Variants in PHOX2A observed in about 807,000 individuals in gnomAD.
PHOX2A encodes the protein paired mesoderm homeobox protein 2A.
PHOX2A carries 10 observed loss-of-function variants against 16.4 expected under a neutral mutation model. The observed-to-expected ratio is 0.61, with a 90% CI of 0.38 to 1.04. PHOX2A has a LOEUF of 1.04. Among genes scored for constraint, PHOX2A ranks in the 50% least tolerant of loss-of-function variants. PHOX2A has a pLI of 0.01. For missense variants in PHOX2A, 361 were observed against 419.4 expected (o/e 0.86, Z 1.22); for synonymous variants, 219 against 203.8 (o/e 1.07, Z -0.64).
chr11:72,241,219 C>T lies in PHOX2A; in HGVS notation c.288G>A (p.Thr96=). ...GCTCCTTGAGCTGCGCGCTGGTGAA[C>T]GTGGTGCGGATGCGCCGCTGCTTGC... ...EKRKQRRIRT[T]FTSAQLKELE... Residue 96 remains threonine, a synonymous_variant, in exon 2 of 3, where the codon ACG becomes ACA. Coordinates refer to ENST00000298231, the MANE Select transcript of PHOX2A (RefSeq NM_005169.4). 6.4e-7 allele frequency: 1 copy of T among 1,572,674 alleles called. No homozygotes were observed. Among genetic ancestry groups the T allele is most frequent in the South Asian group, 1.1e-5 (1 of 90,522 alleles).
rs1198361707 is a variant in PHOX2A at position 72,241,109 on chromosome 11, C to T, written c.398G>A (p.Arg133His). 1 of 1,613,942 alleles carries T rather than the reference C, an allele frequency of 6.2e-7. No homozygotes were observed. The highest frequency in any genetic ancestry group is 1.1e-5 in the South Asian group (1 of 91,084). Residue 133 changes from arginine to histidine, a missense_variant, in exon 2 of 3, where the codon CGC (arginine) becomes CAC (histidine). By Grantham distance (29) the Arg-to-His change is conservative (BLOSUM62 0). Around this residue, in one of 3 missense-constraint regions of PHOX2A, gnomAD observed 235 missense variants for 263.8 expected, o/e 0.89. Coordinates refer to ENST00000298231, the MANE Select transcript of PHOX2A (RefSeq NM_005169.4). ...ACACGTGCATACACGCACCTGCACG[C>T]GAGCCTCAGTGAGGTCGATCTTGAG... is the stretch of plus-strand genomic sequence containing the variant. The part of the protein sequence containing the change: ...LALKIDLTEA[R>H]VQVWFQNRRA...
chr11:72,239,852 A>AGTCT lies in PHOX2A; in HGVS notation c.751_752insAGAC (p.Leu251GlnfsTer3). 1 of 1,386,080 alleles carries AGTCT rather than the reference A, an allele frequency of 7.2e-7. No homozygotes were observed. Among genetic ancestry groups the AGTCT allele is most frequent in the Non-Finnish European group, 9.4e-7 (1 of 1,058,366 alleles). 85.9% of individuals were successfully genotyped at this position (1,386,080 alleles called of 1,614,324 possible). On this transcript the variant is annotated frameshift_variant, in exon 3 of 3. Transcript: ENST00000298231. LOFTEE classifies it high-confidence loss of function. ...GGACTCCGCCGGCTGCCAAGCCTTA[A>AGTCT]GTAGTTCGGCCGCTCCCGCGCCAGG...
In PHOX2A at chr11:72,239,212, CCT is replaced by C. The variant is rs1401413143; in HGVS notation, c.*535_*536del. 6.6e-6 allele frequency: 1 copy of C among 152,616 alleles called. No individual in the cohort carries two copies. Among genetic ancestry groups the C allele is most frequent in the Non-Finnish European group, 1.5e-5 (1 of 68,382 alleles). 9.5% of individuals were successfully genotyped at this position (152,616 alleles called of 1,614,324 possible). A position where few individuals can be genotyped will look rare whatever the true frequency, so the allele number is the denominator to read the frequency against. On this transcript the variant is annotated 3_prime_UTR_variant, in exon 3 of 3. Coordinates refer to ENST00000298231, the MANE Select transcript of PHOX2A (RefSeq NM_005169.4). ...CCATTCCCCAGGCAGCCCCTCCACT[CCT>C]CTAACAGGTCCACCCTCTGTGCCAG...
In PHOX2A at chr11:72,241,321, G is replaced by T. The variant is rs529358670; in HGVS notation, c.218-32C>A. 6.2e-5 allele frequency: 59 copies of T among 951,340 alleles called. 3 individuals are homozygous for T. The highest frequency in any genetic ancestry group is 5.3e-4 in the South Asian group (34 of 63,660). The allele number at this position is 951,340 out of a possible 1,614,324, so 58.9% of individuals were successfully genotyped here. On this transcript the variant is annotated intron_variant, in intron 1 of 2. Coordinates refer to ENST00000298231, the MANE Select transcript of PHOX2A (RefSeq NM_005169.4). ...GTGTGTGCAGGGGGGCCGGGGGGGG[G>T]GCAAAAAGGATGGGGGAGTGAGAAG...
chr11:72,240,648 T>G (rs149822880), intron 2 of PHOX2A, among the ~76,000 whole-genome samples: 56 of 152,336 alleles, frequency 3.7e-4, no homozygotes, highest in Admixed American at 7.8e-4. Flanking sequence ...GTTGTACAAA[T>G]AGACAACAGT....
chr11:72,241,415 C>A, intron 1 of PHOX2A, 126 bp from the exon 2 acceptor site: 3 of 644,848 alleles, frequency 4.7e-6, no homozygotes, highest in South Asian at 1.9e-5. Flanking sequence ...CCTGATCCCT[C>A]GTCTTGGTCC....
chr11:72,240,276 T>G, intron 2 of PHOX2A, 78 bp from the exon 3 acceptor site: 1 of 1,506,068 alleles, frequency 6.6e-7, no homozygotes, highest in Non-Finnish European at 8.8e-7. Flanking sequence ...AAGGCTCGAG[T>G]GAGATCCTGG....
In PHOX2A at chr11:72,244,050, T is replaced by A; in HGVS notation, c.-46A>T. ...GGGGCCGGGCCAGGCCGGGTCGGGG[T>A]CGGGGTCCGGGTGGAGGTCGGAAGG... is the stretch of plus-strand genomic sequence containing the variant. On this transcript the variant is annotated 5_prime_UTR_variant, in exon 1 of 3. Transcript: ENST00000298231. The A allele has an allele frequency of 2.3e-6, 2 of 864,894 alleles. No individual in the cohort carries two copies. Among genetic ancestry groups the A allele is most frequent in the Non-Finnish European group, 3.1e-6 (2 of 653,808 alleles). 53.6% of individuals were successfully genotyped at this position (864,894 alleles called of 1,614,324 possible).
chr11:72,240,740 C>T (rs1362669592), intron 2 of PHOX2A, among the ~76,000 whole-genome samples: 1 of 152,324 alleles, frequency 6.6e-6, no homozygotes, highest in South Asian at 2.1e-4. Context: ...GCTGCAGCGC[C>T]GGGGTAGGGA....
intron 1 of PHOX2A, among the ~76,000 whole-genome samples, chr11:72,243,410 TG>T (rs1949137107): frequency 1.3e-5 from 2 of 150,132 alleles, no homozygotes; most frequent in East Asian, 3.9e-4. Context: ...GGTGATGGGG[TG>T]GGGTGATAAG....
chr11:72,241,287 GCACTGC>G lies in PHOX2A; in HGVS notation c.218-4_219del. On this transcript the variant is annotated splice_acceptor_variant and splice_polypyrimidine_tract_variant and coding_sequence_variant and intron_variant, in exon 2 of 3. Coordinates refer to ENST00000298231, the MANE Select transcript of PHOX2A (RefSeq NM_005169.4). LOFTEE classifies it high-confidence loss of function. Reference sequence around the variant, plus strand: ...GATGGCTCTGGGAAGAACTTGTAGGGCACTGCGGGTGTGTGCAGGGGGGCCGGGGGG... The same window carrying G: ...GATGGCTCTGGGAAGAACTTGTAGGGGGGTGTGTGCAGGGGGGCCGGGGGG... The G allele has an allele frequency of 6.5e-7, 1 of 1,549,176 alleles. No homozygotes were observed. The highest frequency in any genetic ancestry group is 1.1e-5 in the South Asian group (1 of 87,120).
In PHOX2A at chr11:72,243,859, C is replaced by T; in HGVS notation, c.146G>A (p.Cys49Tyr). 7.9e-7 allele frequency: 1 copy of T among 1,268,396 alleles called. No homozygotes were observed. The allele number at this position is 1,268,396 out of a possible 1,614,324, so 78.6% of individuals were successfully genotyped here. ...RPAFPAAGPP[C>Y]PALGSSNCAL... ...GCAGTTGGAGGAGCCGAGCGCGGGG[C>T]AGGGCGGCCCTGCCGCGGGGAAAGC... The change falls in exon 1 of 3, where the codon TGC (cysteine) becomes TAC (tyrosine). Residue 49 changes from cysteine to tyrosine, a missense_variant. Cys to Tyr is a radical substitution (Grantham distance 194). Transcript: ENST00000298231.
chr11:72,239,935 C>T lies in PHOX2A; in HGVS notation c.669G>A (p.Gly223=). 1 of 1,301,654 alleles carries T rather than the reference C, an allele frequency of 7.7e-7. No homozygotes were observed. The highest frequency in any genetic ancestry group is 2.7e-5 in the South Asian group (1 of 36,558). 80.6% of individuals were successfully genotyped at this position (1,301,654 alleles called of 1,614,324 possible). A position where few individuals can be genotyped will look rare whatever the true frequency, so the allele number is the denominator to read the frequency against. Residue 223 remains glycine, a synonymous_variant, in exon 3 of 3, where the codon GGG becomes GGA. Coordinates refer to ENST00000298231, the MANE Select transcript of PHOX2A (RefSeq NM_005169.4). ...ACAGTGCGCCCTTGAGCGGCTGTGG[C>T]CCCGGCCCAGGTCCCGGCCCGGAGC... ...ALGSGPGPGP[G]PQPLKGALWA...
chr11:72,243,214 G>A (rs1045147609), intron 1 of PHOX2A, among the ~76,000 whole-genome samples: 26 of 152,316 alleles, frequency 1.7e-4, no homozygotes, highest in African/African-American at 4.6e-4. Context: ...AAAAACCCGG[G>A]CCCCTTTATT....
chr11:72,242,716 GCA>G (rs1949131713), intron 1 of PHOX2A, among the ~76,000 whole-genome samples: 1 of 151,912 alleles, frequency 6.6e-6, no homozygotes, highest in Non-Finnish European at 1.5e-5. Context: ...GAATGCAATG[GCA>G]CAGTCTCAGC....
In PHOX2A at chr11:72,243,923, T is replaced by A; in HGVS notation, c.82A>T (p.Ser28Cys). The A allele has an allele frequency of 7.7e-7, 1 of 1,303,992 alleles. No homozygotes were observed. Among genetic ancestry groups the A allele is most frequent in the Non-Finnish European group, 9.8e-7 (1 of 1,020,704 alleles). 80.8% of individuals were successfully genotyped at this position (1,303,992 alleles called of 1,614,324 possible). Residue 28 changes from serine (S) to cysteine (C), a missense_variant, in exon 1 of 3, where the codon AGC becomes TGC. Coordinates refer to ENST00000298231, the MANE Select transcript of PHOX2A (RefSeq NM_005169.4). The part of the protein sequence containing the change: ...ASAYGDFGAC[S>C]QPGGFQYSPL... ...CTGTATTGGAAGCCGCCGGGCTGGC[T>A]GCAGGCGCCAAAGTCGCCGTAGGCG...
intron 1 of PHOX2A, 23 bp from the exon 2 acceptor site, chr11:72,241,312 CGGGGGGGGGGCA>C: frequency 2.5e-6 from 1 of 399,382 alleles, no homozygotes; most frequent in Non-Finnish European, 3.9e-6. Context: ...GCAGGGGGGC[CGGGGGGGGGGCA>C]AAAAGGATGG....
In PHOX2A at chr11:72,241,216, G is replaced by A. The variant is rs1218839948; in HGVS notation, c.291C>T (p.Phe97=). The change falls in exon 2 of 3, where the codon TTC becomes TTT. Residue 97 remains phenylalanine (F), a synonymous_variant. Transcript: ENST00000298231. ...CCAGCTCCTTGAGCTGCGCGCTGGT[G>A]AACGTGGTGCGGATGCGCCGCTGCT... is the stretch of plus-strand genomic sequence containing the variant. The part of the protein sequence containing the change: ...KRKQRRIRTT[F]TSAQLKELER... 3.7e-6 allele frequency: 6 copies of A among 1,612,966 alleles called. No homozygotes were observed. Among genetic ancestry groups the A allele is most frequent in the Non-Finnish European group, 5.1e-6 (6 of 1,179,820 alleles).
At chr11:72,243,123 T>C (rs1370387724) in intron 1 of PHOX2A, among the ~76,000 whole-genome samples, 1 of 152,188 alleles carries the variant, frequency 6.6e-6, no homozygotes, top group African/African-American at 2.4e-5. Flanking sequence ...ATCTAAAGTC[T>C]TGGGGATGCA....
Sources: allele counts gnomAD v4.1 joint callset (sites outside exome capture counted in the v4.1 genomes callset), GRCh38; gene constraint gnomAD v4.1.1; regional missense constraint gnomAD v4.1.1; transcripts MANE v1.5; gene names NCBI Gene and HGNC (gene_info 2026-07-23, HGNC 2026-07-21).